The following NELL1 variants were observed in gnomAD, a reference collection of about 807,000 sequenced individuals.
The protein encoded by NELL1 is protein kinase C-binding protein NELL1.
A neutral mutation model predicts 107.4 loss-of-function variants in NELL1; 76 were observed. The observed-to-expected ratio is 0.71, with a 90% confidence interval of 0.59 to 0.86. The LOEUF is 0.86. NELL1 is among the 40% of genes least tolerant of loss of function. NELL1 has a pLI of 0.00. For synonymous variants in NELL1, 353 were observed against 341.2 expected (o/e 1.03, Z -0.38); for missense variants, 1,024 against 1,005.5 (o/e 1.02, Z -0.25).
chr11:21,153,032 A>G (rs543912078), intron 13 of NELL1, among the ~76,000 whole-genome samples: 33 of 152,328 alleles, frequency 2.2e-4, no homozygotes, highest in African/African-American at 7.2e-4. Flanking sequence ...TCTGGAATTC[A>G]TAAGATGTTT....
chr11:21,082,682 T>C (rs1011736511), intron 12 of NELL1, among the ~76,000 whole-genome samples: 7 of 152,182 alleles, frequency 4.6e-5, no homozygotes, highest in African/African-American at 1.4e-4. Flanking sequence ...CTCAGACTTA[T>C]CTCTGTCTAT....
intron 15 of NELL1, among the ~76,000 whole-genome samples, chr11:21,391,421 T>C (rs1851876042): frequency 6.6e-6 from 1 of 151,824 alleles, no homozygotes; most frequent in Non-Finnish European, 1.5e-5. Flanking sequence ...CTTAAAAAAA[T>C]GTCCCCTACA....
chr11:21,166,876 G>C (rs1014349394), intron 13 of NELL1, among the ~76,000 whole-genome samples: 1 of 151,882 alleles, frequency 6.6e-6, no homozygotes, highest in Non-Finnish European at 1.5e-5. Context: ...ATGACATTTA[G>C]AGTAATTCAA....
Position 21,129,782 on chromosome 11 carries a change from A to G in NELL1, c.1426+16068A>G, listed in dbSNP as rs150609985. 3.3e-3 allele frequency among the ~76,000 whole-genome samples: 495 copies of G among 152,294 alleles called. 2 individuals carry two copies. The highest frequency in any genetic ancestry group is 0.011 in the African/African-American group (470 of 41,562). On this transcript the variant is annotated intron_variant, in intron 13 of 19. Transcript: ENST00000357134. ...ATGGGGGCATGGAAAGTTATTGTTA[A>G]TGGGTATAGGGCATTAGTTTTACAA...
intron 12 of NELL1, among the ~76,000 whole-genome samples, chr11:21,004,214 T>C (rs939698993): frequency 1.3e-5 from 2 of 152,160 alleles, no homozygotes; most frequent in African/African-American, 4.8e-5. Context: ...AATAGCTGTA[T>C]TCATCTTTAT....
chr11:21,282,498 A>AT (rs1849020894), intron 14 of NELL1, among the ~76,000 whole-genome samples: 1 of 147,206 alleles, frequency 6.8e-6, no homozygotes, highest in African/African-American at 2.5e-5. Flanking sequence ...AAAAAAAAAA[A>AT]GGCTTATATG....
chr11:21,249,420 GTTAC>G (rs1022181916), intron 14 of NELL1, among the ~76,000 whole-genome samples: 8 of 151,386 alleles, frequency 5.3e-5, no homozygotes, highest in African/African-American at 1.9e-4. Context: ...CACTAAAACA[GTTAC>G]TTATTTTTTT....
intron 15 of NELL1, among the ~76,000 whole-genome samples, chr11:21,517,078 C>T (rs1005981358): frequency 1.3e-5 from 2 of 152,106 alleles, no homozygotes; most frequent in East Asian, 1.9e-4. Flanking sequence ...CATGAGCTAC[C>T]GCGCCCAGCC....
chr11:20,975,656 TTATATAATATACATATTA>T (rs1467550299), intron 12 of NELL1, among the ~76,000 whole-genome samples: 12,389 of 134,702 alleles, frequency 0.092, 1,690 homozygotes, highest in East Asian at 0.19. Context: ...AATGTATGTA[TTATATAATATACATATTA>T]TATATGTATT....
intron 15 of NELL1, among the ~76,000 whole-genome samples, chr11:21,396,137 T>C (rs1590897169): frequency 6.6e-6 from 1 of 151,544 alleles, no homozygotes; most frequent in East Asian, 2.0e-4. Flanking sequence ...AATAATTGAG[T>C]AAACCATACC....
In NELL1 at chr11:21,478,705, AAG is replaced by A. The variant is rs1361133935; in HGVS notation, c.1646-55668_1646-55667del. Among the ~76,000 whole-genome samples the A allele has an allele frequency of 3.3e-5, 5 of 152,048 alleles. No homozygotes were observed. The East Asian group carries it at 7.8e-4, about 24-fold the overall frequency. ...GGTCACACCAAGTTAAAAAAAAAAA[AAG>A]GACTTTTGCACAGCAAAGGAAACAG... On this transcript the variant is annotated intron_variant, in intron 15 of 19. Coordinates refer to ENST00000357134, the MANE Select transcript of NELL1 (RefSeq NM_006157.5).
At chr11:21,271,718 A>G (rs1428561557) in intron 14 of NELL1, among the ~76,000 whole-genome samples, 1 of 152,212 alleles carries the variant, frequency 6.6e-6, no homozygotes. Context: ...AGATGCAAAA[A>G]TTCTCAACAA....
intron 15 of NELL1, among the ~76,000 whole-genome samples, chr11:21,481,595 A>C (rs1854494210): frequency 6.6e-6 from 1 of 152,228 alleles, no homozygotes; most frequent in African/African-American, 2.4e-5. Context: ...AATAGATATT[A>C]AAGCTGGAGT....
chr11:20,782,753 C>A (rs908840802), intron 2 of NELL1, among the ~76,000 whole-genome samples: 6 of 152,152 alleles, frequency 3.9e-5, no homozygotes, highest in Admixed American at 3.9e-4. Context: ...TTCTAATGTT[C>A]ATTTATCATC....
chr11:21,243,506 G>A (rs930340837), intron 14 of NELL1, among the ~76,000 whole-genome samples: 2 of 152,112 alleles, frequency 1.3e-5, no homozygotes, highest in African/African-American at 2.4e-5. Context: ...TTTGAAGACT[G>A]TATTTGTAGA....
At chr11:21,383,708 T>G (rs1393144517) in intron 15 of NELL1, 1 of 149,382 alleles carries the variant, frequency 6.7e-6, no homozygotes, top group Non-Finnish European at 1.5e-5. Context: ...TATTTATACA[T>G]AAGTATGATA....
chr11:21,074,419 T>C (rs1042711205), intron 12 of NELL1, among the ~76,000 whole-genome samples: 7 of 152,112 alleles, frequency 4.6e-5, no homozygotes, highest in African/African-American at 1.4e-4. Flanking sequence ...ATCTAATGAG[T>C]CAGAAGTTGG....
chr11:21,500,567 A>G (rs1042536947), intron 15 of NELL1, among the ~76,000 whole-genome samples: 2 of 151,968 alleles, frequency 1.3e-5, no homozygotes, highest in African/African-American at 2.4e-5. Context: ...CAACAATTCA[A>G]TTTGCTTGTC....
intron 2 of NELL1, among the ~76,000 whole-genome samples, chr11:20,766,772 T>G (rs1196164038): frequency 6.6e-6 from 1 of 150,768 alleles, no homozygotes; most frequent in African/African-American, 2.5e-5. Context: ...AGACAGAGCC[T>G]CATTCTGTTG....
Sources: gnomAD v4.1 joint callset for allele counts (sites outside exome capture counted in the v4.1 genomes callset) on GRCh38, gnomAD v4.1.1 for gene constraint, MANE v1.5 for transcripts, NCBI Gene and HGNC (gene_info 2026-07-23, HGNC 2026-07-21) for gene names.